The following ZNF280C variants were observed in gnomAD, a reference collection of about 807,000 sequenced individuals.
ZNF280C encodes zinc finger protein 280C.
In ZNF280C, 14 loss-of-function variants were observed where a neutral mutation model predicts 53.6. The observed-to-expected ratio is 0.26, with a 90% CI of 0.17 to 0.41. ZNF280C has a LOEUF of 0.41. ZNF280C is among the 10% of genes least tolerant of loss of function. ZNF280C has a pLI of 1.00. For synonymous variants in ZNF280C, 203 were observed against 181.1 expected, an observed-to-expected ratio of 1.12 and a Z score of -0.97; for missense variants, 416 against 547.1, an observed-to-expected ratio of 0.76 and a Z score of 2.39.
chrX:130,220,664 CATTA>C (rs1487192043), intron 12 of ZNF280C, among the ~76,000 whole-genome samples, 184 bp from the exon 13 acceptor site: 1 of 111,341 alleles, frequency 9.0e-6, no homozygotes, highest in Non-Finnish European at 1.9e-5. Flanking sequence ...GTTTCAAAAG[CATTA>C]GTTACCATAT....
intron 13 of ZNF280C, among the ~76,000 whole-genome samples, chrX:130,219,256 C>T (rs1036457609): frequency 1.4e-4 from 15 of 110,526 alleles, no homozygotes; most frequent in East Asian, 2.8e-4. Context: ...GAGGCCGAGG[C>T]GGGCAGATCA....
At chrX:130,236,090 A>G in intron 8 of ZNF280C, 124 bp downstream of exon 8, 1 of 378,299 alleles carries the variant, frequency 2.6e-6, no homozygotes, top group Non-Finnish European at 4.6e-6. Flanking sequence ...GTTACATGGA[A>G]ATGCCAATAC....
At chrX:130,213,426 C>T (rs2032064728) in intron 15 of ZNF280C, among the ~76,000 whole-genome samples, 1 of 111,258 alleles carries the variant, frequency 9.0e-6, no homozygotes, top group Non-Finnish European at 1.9e-5. Flanking sequence ...AGGGCAGGAC[C>T]AAATTAAAGA....
At chrX:130,226,563 G>C (rs991406974) in intron 12 of ZNF280C, among the ~76,000 whole-genome samples, 196 bp downstream of exon 12, 2 of 111,968 alleles carry the variant, frequency 1.8e-5, no homozygotes, top group African/African-American at 6.5e-5. Flanking sequence ...AGGAAAATAA[G>C]TGAAAGTTTC....
At chrX:130,231,479 T>C (rs1411674134) in intron 8 of ZNF280C, among the ~76,000 whole-genome samples, 1 of 112,042 alleles carries the variant, frequency 8.9e-6, no homozygotes, top group Admixed American at 9.5e-5. Flanking sequence ...AAATATCTTA[T>C]GTTCTCACTT....
chrX:130,264,729 A>C (rs1373499343), intron 1 of ZNF280C, among the ~76,000 whole-genome samples: 1 of 111,426 alleles, frequency 9.0e-6, no homozygotes, highest in African/African-American at 3.3e-5. Context: ...GTAGGTAGGC[A>C]GTGACTCAGC....
intron 2 of ZNF280C, among the ~76,000 whole-genome samples, 155 bp from the exon 3 acceptor site, chrX:130,247,160 T>C (rs907026368): frequency 4.4e-5 from 5 of 112,522 alleles, no homozygotes; most frequent in Non-Finnish European, 9.4e-5. Context: ...TTTGCTTTTG[T>C]TGCCCAGGCG....
At chrX:130,244,909 C>T (rs1378013224) in intron 3 of ZNF280C, among the ~76,000 whole-genome samples, 4 of 110,461 alleles carry the variant, frequency 3.6e-5, no homozygotes, top group South Asian at 3.8e-4. Context: ...GTAAACATTA[C>T]GGAAGTCTTC....
intron 13 of ZNF280C, among the ~76,000 whole-genome samples, chrX:130,218,061 C>T (rs1474393920): frequency 1.8e-5 from 2 of 111,061 alleles, no homozygotes; most frequent in African/African-American, 6.6e-5. Context: ...ACTTGGGAGG[C>T]TGAGGTGGGA....
intron 5 of ZNF280C, 144 bp downstream of exon 5, chrX:130,243,419 A>C: frequency 1.6e-6 from 1 of 612,710 alleles, no homozygotes; most frequent in Non-Finnish European, 2.5e-6. Context: ...CCTGGGCTCA[A>C]GCGATCTGCC....
At chrX:130,249,065 G>C (rs1180505726) in intron 2 of ZNF280C, among the ~76,000 whole-genome samples, 1 of 111,506 alleles carries the variant, frequency 9.0e-6, no homozygotes, top group Non-Finnish European at 1.9e-5. Flanking sequence ...ACTGCCACTA[G>C]AATGTAACTA....
At chrX:130,251,703 A>C (rs1380779866) in intron 2 of ZNF280C, among the ~76,000 whole-genome samples, 1 of 110,646 alleles carries the variant, frequency 9.0e-6, no homozygotes, top group Non-Finnish European at 1.9e-5. Flanking sequence ...GAGAACGAGA[A>C]TCTCTGGAAC....
intron 2 of ZNF280C, among the ~76,000 whole-genome samples, chrX:130,258,277 C>T (rs1410580847): frequency 8.9e-6 from 1 of 112,010 alleles, no homozygotes; most frequent in African/African-American, 3.2e-5. Context: ...TTTTCAAATG[C>T]AGTCATTCCT....
chrX:130,216,165 C>A (rs932403106), intron 13 of ZNF280C, 64 bp from the exon 14 acceptor site: 2 of 977,752 alleles, frequency 2.0e-6, no homozygotes, highest in African/African-American at 3.9e-5. Context: ...TTAAAAATAT[C>A]ATTGTAAGCC....
intron 1 of ZNF280C, among the ~76,000 whole-genome samples, chrX:130,266,318 A>G (rs746515422): frequency 1.8e-5 from 2 of 111,819 alleles, no homozygotes; most frequent in Non-Finnish European, 3.8e-5. Flanking sequence ...GAGTAGAAAG[A>G]TGGTTACCAG....
chrX:130,230,526 G>C lies in ZNF280C; in HGVS notation c.973C>G (p.Leu325Val). Residue 325 changes from leucine (L) to valine (V), a missense_variant, in exon 9 of 19, where the codon CTT becomes GTT. By Grantham distance (32) the Leu-to-Val change is conservative. This residue lies in a region of ZNF280C where 72 missense variants were observed against 168.8 expected (regional missense o/e 0.43). Transcript: ENST00000370978. ...TFKCFSCSKV[L>V]KNNIRFMNHM... ...TTTACATACCTAATATTATTTTTAA[G>C]AACTTTCGAGCAACTGAAGCATTTA... 4 of 1,196,401 alleles carry C rather than the reference G, an allele frequency of 3.3e-6. No homozygotes were observed. Among genetic ancestry groups the C allele is most frequent in the Non-Finnish European group, 4.5e-6 (4 of 886,257 alleles).
chrX:130,219,180 C>T (rs779586384), intron 13 of ZNF280C, among the ~76,000 whole-genome samples: 2 of 111,682 alleles, frequency 1.8e-5, no homozygotes, highest in South Asian at 7.5e-4. Context: ...TATTCAAGAG[C>T]TAACTTTATG....
chrX:130,238,873 C>A (rs1230634491), intron 6 of ZNF280C, among the ~76,000 whole-genome samples: 2 of 111,146 alleles, frequency 1.8e-5, no homozygotes, highest in Non-Finnish European at 3.8e-5. Context: ...GTTCCTCTTT[C>A]CATTTAGTGA....
intron 2 of ZNF280C, among the ~76,000 whole-genome samples, chrX:130,251,216 G>C: frequency 1.0e-5 from 1 of 99,709 alleles, no homozygotes. Flanking sequence ...CAGGAGACTG[G>C]GGATGCAGTG....
Sources: allele counts gnomAD v4.1 joint callset (sites outside exome capture counted in the v4.1 genomes callset), GRCh38; gene constraint gnomAD v4.1.1; regional missense constraint gnomAD v4.1.1; transcripts MANE v1.5; gene names NCBI Gene and HGNC (gene_info 2026-07-23, HGNC 2026-07-21).